GPR158: variants seen among roughly 807,000 people sequenced by gnomAD.
GPR158 encodes G protein-coupled receptor 158, also known as metabotropic glycine receptor.
Under a neutral mutation model 78.2 loss-of-function variants are expected in GPR158, and 30 were observed. The ratio of observed to expected loss-of-function variants is 0.38; its 90% CI spans 0.29 to 0.52. GPR158 has a LOEUF of 0.52. Among genes scored for constraint, GPR158 ranks in the 20% least tolerant of loss-of-function variants. GPR158 has a pLI of 0.83. For synonymous variants in GPR158, 581 were observed against 591.1 expected (o/e 0.98, Z 0.25); for missense variants, 1,463 against 1,523.5 (o/e 0.96, Z 0.66).
chr10:25,275,320 T>G (rs1450365209), intron 2 of GPR158, among the ~76,000 whole-genome samples: 1 of 152,172 alleles, frequency 6.6e-6, no homozygotes, highest in East Asian at 1.9e-4. Flanking sequence ...TCTGACTTAA[T>G]GAAGGCCCCA....
At chr10:25,231,135 A>C (rs888224167) in intron 2 of GPR158, among the ~76,000 whole-genome samples, 1 of 152,234 alleles carries the variant, frequency 6.6e-6, no homozygotes. Context: ...TGTGATAATG[A>C]TAAAGCAAAC....
intron 2 of GPR158, among the ~76,000 whole-genome samples, chr10:25,241,642 G>A (rs1291957881): frequency 1.3e-5 from 2 of 152,040 alleles, no homozygotes; most frequent in East Asian, 1.9e-4. Context: ...GGCTGATCTC[G>A]AACTCCTGAC....
chr10:25,524,260 GCTAT>G (rs974693945), intron 5 of GPR158, among the ~76,000 whole-genome samples: 1 of 152,164 alleles, frequency 6.6e-6, no homozygotes, highest in Non-Finnish European at 1.5e-5. Flanking sequence ...TGAAAACCCA[GCTAT>G]CTTTTTGTTA....
chr10:25,416,021 T>A (rs78029140), intron 4 of GPR158, among the ~76,000 whole-genome samples: 1,720 of 152,254 alleles, frequency 0.011, 32 homozygotes, highest in African/African-American at 0.039. Context: ...TCTCAATAAA[T>A]CTATTACAAA....
intron 2 of GPR158, among the ~76,000 whole-genome samples, chr10:25,365,985 G>A (rs1025718146): frequency 1.5e-4 from 23 of 151,458 alleles, no homozygotes; most frequent in Non-Finnish European, 2.5e-4. Context: ...ATATAATTTA[G>A]CATATATGAC....
intron 4 of GPR158, among the ~76,000 whole-genome samples, chr10:25,442,539 C>T (rs910832157): frequency 6.6e-6 from 1 of 152,024 alleles, no homozygotes; most frequent in Non-Finnish European, 1.5e-5. Flanking sequence ...GCCTAATTGA[C>T]ATCTCTGCTT....
At chr10:25,440,073 A>G (rs1199481731) in intron 4 of GPR158, among the ~76,000 whole-genome samples, 1 of 152,212 alleles carries the variant, frequency 6.6e-6, no homozygotes, top group African/African-American at 2.4e-5. Flanking sequence ...TCCTGAAGGT[A>G]AAGGTGAACC....
intron 7 of GPR158, among the ~76,000 whole-genome samples, chr10:25,586,702 C>G (rs781520007): frequency 1.3e-5 from 2 of 152,144 alleles, no homozygotes; most frequent in African/African-American, 4.8e-5. Context: ...TGTGAGCCAC[C>G]GTGCCCGGCC....
At chr10:25,436,750 G>C (rs1472578231) in intron 4 of GPR158, among the ~76,000 whole-genome samples, 1 of 152,156 alleles carries the variant, frequency 6.6e-6, no homozygotes, top group East Asian at 1.9e-4. Flanking sequence ...GAAAGCACTT[G>C]TACCAAAACT....
At chr10:25,464,699 C>A (rs1350793785) in intron 4 of GPR158, among the ~76,000 whole-genome samples, 1 of 152,198 alleles carries the variant, frequency 6.6e-6, no homozygotes, top group Non-Finnish European at 1.5e-5. Context: ...CTTGCAGCAG[C>A]TTTTCATGTC....
intron 4 of GPR158, among the ~76,000 whole-genome samples, chr10:25,426,228 C>G (rs1054324848): frequency 6.6e-6 from 1 of 152,116 alleles, no homozygotes; most frequent in African/African-American, 2.4e-5. Flanking sequence ...AATGTTGTGG[C>G]TGCATTAATC....
intron 5 of GPR158, among the ~76,000 whole-genome samples, chr10:25,506,026 T>A (rs1392754760): frequency 6.6e-6 from 1 of 152,248 alleles, no homozygotes; most frequent in East Asian, 1.9e-4. Context: ...TCCAACACGG[T>A]ATCTGACACA....
intron 4 of GPR158, among the ~76,000 whole-genome samples, chr10:25,447,653 TG>T (rs1835155272): frequency 6.6e-6 from 1 of 152,046 alleles, no homozygotes; most frequent in Non-Finnish European, 1.5e-5. Flanking sequence ...AGTTGTGTAA[TG>T]TGGGATTATT....
At chr10:25,498,230 G>A (rs2130654929) in intron 5 of GPR158, among the ~76,000 whole-genome samples, 1 of 152,246 alleles carries the variant, frequency 6.6e-6, no homozygotes, top group South Asian at 2.1e-4. Flanking sequence ...GTTACAGTCT[G>A]CCAGAGTAAC....
chr10:25,249,343 A>G (rs867502546), intron 2 of GPR158, among the ~76,000 whole-genome samples: 1 of 152,180 alleles, frequency 6.6e-6, no homozygotes, highest in Non-Finnish European at 1.5e-5. Context: ...AACTTCCAAC[A>G]CTATGTTGAA....
chr10:25,256,117 C>T (rs750688977), intron 2 of GPR158, among the ~76,000 whole-genome samples: 16 of 151,708 alleles, frequency 1.1e-4, no homozygotes, highest in Non-Finnish European at 1.9e-4. Context: ...CTGTGACTGC[C>T]ATCTGCCATC....
chr10:25,427,345 C>G (rs902284470), intron 4 of GPR158, among the ~76,000 whole-genome samples: 2 of 152,170 alleles, frequency 1.3e-5, no homozygotes, highest in African/African-American at 4.8e-5. Context: ...CTACCTCTTG[C>G]TACACCATTT....
chr10:25,435,451 A>G (rs971687750), intron 4 of GPR158, among the ~76,000 whole-genome samples: 5 of 152,142 alleles, frequency 3.3e-5, no homozygotes, highest in African/African-American at 1.2e-4. Context: ...ATAGGGGTAG[A>G]AAACGGGTAT....
chr10:25,522,724 T>C lies in GPR158; in HGVS notation c.1405-28252T>C, dbSNP rs572154204. Among the ~76,000 whole-genome samples, 42 of 152,280 alleles carry C rather than the reference T, an allele frequency of 2.8e-4. 1 individual carries two copies. Among genetic ancestry groups the C allele is most frequent in the African/African-American group, 1.0e-3 (42 of 41,568 alleles). Reference sequence around the variant, plus strand: ...ATAAATGGAACAAACATAGAAAACATGTACTGGATGGCTTTATGTCAGACT... The same window carrying C: ...ATAAATGGAACAAACATAGAAAACACGTACTGGATGGCTTTATGTCAGACT... On this transcript the variant is annotated intron_variant, in intron 5 of 10. Transcript: ENST00000376351.
Sources: gnomAD v4.1 joint callset for allele counts (sites outside exome capture counted in the v4.1 genomes callset) on GRCh38, gnomAD v4.1.1 for gene constraint, MANE v1.5 for transcripts, NCBI Gene and HGNC (gene_info 2026-07-23, HGNC 2026-07-21) for gene names.